DPH6: variants seen among roughly 807,000 people sequenced by gnomAD.
The protein encoded by DPH6 is diphthamine biosynthesis 6.
DPH6 carries 33 observed loss-of-function variants against 38.2 expected under a neutral mutation model. That is an observed-to-expected ratio of 0.86 (90% CI 0.65 to 1.15). DPH6 has a LOEUF of 1.15. Among genes scored for constraint, DPH6 ranks in the 50% most tolerant of loss-of-function variants. DPH6 has a pLI of 0.00. For missense variants in DPH6, 325 were observed against 320.0 expected (o/e 1.02, Z -0.12); for synonymous variants, 108 against 103.0 (o/e 1.05, Z -0.30).
At chr15:35,257,104 G>T (rs1595449221) in intron 3 of DPH6, among the ~76,000 whole-genome samples, 1 of 152,242 alleles carries the variant, frequency 6.6e-6, no homozygotes, top group East Asian at 1.9e-4. Context: ...TCAATACTGG[G>T]CATTATAAGT....
At chr15:35,148,715 A>G in the DPH6 span, among the ~76,000 whole-genome samples, 16 of 152,136 alleles carry the variant, frequency 1.1e-4, no homozygotes, top group African/African-American at 3.9e-4. Context: ...TTGATTCCTC[A>G]TTCAGCCCTT....
At chr15:35,382,055 T>C (rs2052874874) in intron 6 of DPH6, 139 bp from the exon 7 acceptor site, 2 of 652,052 alleles carry the variant, frequency 3.1e-6, no homozygotes, top group Non-Finnish European at 5.3e-6. Flanking sequence ...ATTAATTATA[T>C]TTCTGCTTAA....
chr15:35,438,015 C>G (rs1004274425), intron 5 of DPH6, among the ~76,000 whole-genome samples: 1 of 152,150 alleles, frequency 6.6e-6, no homozygotes, highest in Non-Finnish European at 1.5e-5. Context: ...ATTTGAAAGC[C>G]AAAATACTGG....
At chr15:35,496,182 T>C (rs145993948) in intron 3 of DPH6, among the ~76,000 whole-genome samples, 2,861 of 152,220 alleles carry the variant, frequency 0.019, 37 homozygotes, top group Non-Finnish European at 0.028. Flanking sequence ...TAGAAAAAAT[T>C]GATAACTTGA....
intron 6 of DPH6, among the ~76,000 whole-genome samples, chr15:35,405,064 T>A (rs1376651584): frequency 6.6e-6 from 1 of 151,444 alleles, no homozygotes; most frequent in African/African-American, 2.4e-5. Flanking sequence ...GGGTTCTCTA[T>A]CCTGTTCCAT....
chr15:35,503,868 G>GT (rs2054659446), intron 3 of DPH6, among the ~76,000 whole-genome samples: 1 of 152,116 alleles, frequency 6.6e-6, no homozygotes, highest in Non-Finnish European at 1.5e-5. Flanking sequence ...TACAAAGCTA[G>GT]TAAGTGGCAG....
rs776863809 is a variant in DPH6 at position 35,239,807 on chromosome 15, C to T, written n.201-19225G>A. 3.5e-5 allele frequency among the ~76,000 whole-genome samples: 5 copies of T among 141,776 alleles called. 2 individuals are homozygous for T. The highest frequency in any genetic ancestry group is 4.5e-4 in the East Asian group (2 of 4,460). 93.0% of individuals were successfully genotyped at this position (141,776 alleles called of 152,430 possible). A position where few individuals can be genotyped will look rare whatever the true frequency, so the allele number is the denominator to read the frequency against. On this transcript the variant is annotated intron_variant and non_coding_transcript_variant, in intron 3 of 3. Transcript: ENST00000560386. ...TCCTAGGGGGCAAGAACCCCCCAATCGCTTATTTCCACACCCCAACCTCTT... is the reference window on the plus strand; with the variant it reads ...TCCTAGGGGGCAAGAACCCCCCAATTGCTTATTTCCACACCCCAACCTCTT...
At chr15:35,519,385 A>T (rs890402755) in intron 3 of DPH6, 10 of 152,004 alleles carry the variant, frequency 6.6e-5, no homozygotes, top group Non-Finnish European at 1.2e-4. Flanking sequence ...AATTATTTTT[A>T]AAAAATACTC....
intron 5 of DPH6, among the ~76,000 whole-genome samples, chr15:35,438,582 A>C (rs1595563563): frequency 6.6e-6 from 1 of 152,202 alleles, no homozygotes; most frequent in East Asian, 1.9e-4. Flanking sequence ...TAGCCCAGTT[A>C]GGAGATTGGC....
chr15:35,504,315 T>G (rs1411088588), intron 3 of DPH6, among the ~76,000 whole-genome samples: 1 of 152,044 alleles, frequency 6.6e-6, no homozygotes, highest in Non-Finnish European at 1.5e-5. Context: ...ATGAGAGGTA[T>G]GTGCCATGTT....
intron 3 of DPH6, chr15:35,490,286 T>C (rs555236277): frequency 3.2e-6 from 2 of 631,924 alleles, no homozygotes; most frequent in East Asian, 1.4e-4. Context: ...AGGTTTGTAG[T>C]AGACCAAATG....
intron 3 of DPH6, among the ~76,000 whole-genome samples, chr15:35,535,669 C>T (rs1408394669): frequency 1.3e-5 from 2 of 149,792 alleles, no homozygotes; most frequent in Non-Finnish European, 3.0e-5. Flanking sequence ...TAGATAAGAA[C>T]AGAAGTTACA....
At chr15:35,274,415 C>T (rs536383869) in intron 3 of DPH6, among the ~76,000 whole-genome samples, 7 of 152,154 alleles carry the variant, frequency 4.6e-5, no homozygotes, top group African/African-American at 1.4e-4. Context: ...CAAACTAAAG[C>T]GCTTCTGCAC....
intron 3 of DPH6, among the ~76,000 whole-genome samples, chr15:35,275,901 G>A (rs1337184071): frequency 6.6e-6 from 1 of 152,094 alleles, no homozygotes; most frequent in Non-Finnish European, 1.5e-5. Context: ...TTGTGCTGCT[G>A]TAAACTTGCG....
intron 5 of DPH6, among the ~76,000 whole-genome samples, chr15:35,447,090 C>T (rs985768209): frequency 5.3e-5 from 8 of 151,964 alleles, no homozygotes; most frequent in Admixed American, 2.0e-4. Context: ...ACAATGGTCT[C>T]GATCTCCTGA....
chr15:35,436,336 G>A (rs905182616), intron 5 of DPH6, among the ~76,000 whole-genome samples: 6 of 151,424 alleles, frequency 4.0e-5, no homozygotes, highest in Admixed American at 2.6e-4. Context: ...CGTGGTGGTG[G>A]GCGCCTGTAC....
chr15:35,492,765 CAG>C (rs2054502090), intron 3 of DPH6, among the ~76,000 whole-genome samples: 1 of 151,962 alleles, frequency 6.6e-6, no homozygotes, highest in Admixed American at 6.6e-5. Flanking sequence ...ATCTTGAGTA[CAG>C]AGAGATTAAA....
In DPH6 at chr15:35,538,352, G is replaced by C. The variant is rs748153954; in HGVS notation, c.234C>G (p.Ser78Arg). The C allele has an allele frequency of 1.2e-6, 2 of 1,611,548 alleles. No homozygotes were observed. The highest frequency in any genetic ancestry group is 1.7e-6 in the Non-Finnish European group (2 of 1,178,160). Residue 78 changes from serine (S) to arginine (R), a missense_variant, in exon 3 of 9, where the codon AGC becomes AGG. Transcript: ENST00000256538. ...TGGTGTACACTTGTCTTGTATCCAAGCTCCTTCCTCTTATGGTTCGGCGAT... is the reference window on the plus strand; with the variant it reads ...TGGTGTACACTTGTCTTGTATCCAACCTCCTTCCTCTTATGGTTCGGCGAT... ...PLYRRTIRGR[S>R]LDTRQVYTKC...
intron 3 of DPH6, among the ~76,000 whole-genome samples, chr15:35,235,438 C>T (rs867448564): frequency 6.6e-6 from 1 of 152,298 alleles, no homozygotes; most frequent in African/African-American, 2.4e-5. Flanking sequence ...TGTGTGTGCA[C>T]AGGTCGATTA....
Sources: gnomAD v4.1 joint callset for allele counts (sites outside exome capture counted in the v4.1 genomes callset) on GRCh38, gnomAD v4.1.1 for gene constraint, MANE v1.5 for transcripts, NCBI Gene and HGNC (gene_info 2026-07-23, HGNC 2026-07-21) for gene names.